GATAD2B: variants seen among roughly 807,000 people sequenced by gnomAD.
The protein encoded by GATAD2B is GATA zinc finger domain containing 2B, also known as transcriptional repressor p66-beta.
Under a neutral mutation model 64.3 loss-of-function variants are expected in GATAD2B, and 8 were observed. That is an observed-to-expected ratio of 0.12 (90% CI 0.07 to 0.22). The LOEUF is 0.22. GATAD2B is among the 10% of genes least tolerant of loss of function. The pLI, the probability that GATAD2B is intolerant of heterozygous loss-of-function variation, is 1.00. For synonymous variants in GATAD2B, 281 were observed against 271.3 expected (o/e 1.04, Z -0.35); for missense variants, 453 against 752.0 (o/e 0.60, Z 4.65).
chr1:153,855,681 A>T (rs527853074), intron 1 of GATAD2B, among the ~76,000 whole-genome samples: 3 of 151,698 alleles, frequency 2.0e-5, no homozygotes, highest in African/African-American at 4.8e-5. Context: ...CTTATTTTAT[A>T]TATTTTTTTT....
At chr1:153,895,820 T>C (rs1376599062) in intron 1 of GATAD2B, among the ~76,000 whole-genome samples, 1 of 152,036 alleles carries the variant, frequency 6.6e-6, no homozygotes, top group Non-Finnish European at 1.5e-5. Flanking sequence ...ACGCTGTTCA[T>C]TGAGACTTTT....
At chr1:153,830,304 C>T (rs1034967462) in intron 1 of GATAD2B, among the ~76,000 whole-genome samples, 4 of 151,538 alleles carry the variant, frequency 2.6e-5, no homozygotes, top group South Asian at 2.1e-4. Context: ...TGTGCCACCA[C>T]GTCCAGCTAA....
At chr1:153,830,806 C>T (rs576034503) in intron 1 of GATAD2B, among the ~76,000 whole-genome samples, 1 of 152,246 alleles carries the variant, frequency 6.6e-6, no homozygotes, top group African/African-American at 2.4e-5. Flanking sequence ...GACAGGGTCT[C>T]ACTCTATCAC....
intron 1 of GATAD2B, among the ~76,000 whole-genome samples, chr1:153,901,176 T>A (rs1286480839): frequency 6.6e-6 from 1 of 151,076 alleles, no homozygotes; most frequent in Non-Finnish European, 1.5e-5. Context: ...ATAGTGCCAC[T>A]GAACTCCAGC....
intron 1 of GATAD2B, among the ~76,000 whole-genome samples, chr1:153,914,089 A>G (rs917010078): frequency 6.6e-6 from 1 of 151,418 alleles, no homozygotes; most frequent in Non-Finnish European, 1.5e-5. Flanking sequence ...CTAAAAATAC[A>G]AAAATTAGCT....
At chr1:153,855,322 G>C (rs545727547) in intron 1 of GATAD2B, among the ~76,000 whole-genome samples, 2 of 151,610 alleles carry the variant, frequency 1.3e-5, no homozygotes, top group Non-Finnish European at 1.5e-5. Context: ...TCTGCCTCCT[G>C]GGCTCAAGTG....
chr1:153,900,878 T>C (rs1677746788), intron 1 of GATAD2B, among the ~76,000 whole-genome samples: 2 of 152,186 alleles, frequency 1.3e-5, no homozygotes, highest in African/African-American at 4.8e-5. Flanking sequence ...AATTTTCACA[T>C]GTCACAAAAT....
chr1:153,886,789 G>A (rs1407249635), intron 1 of GATAD2B, among the ~76,000 whole-genome samples: 1 of 151,416 alleles, frequency 6.6e-6, no homozygotes, highest in Non-Finnish European at 1.5e-5. Context: ...TCAATCTTCT[G>A]ACCTCATGAT....
At chr1:153,820,536 C>T (rs1674640722) in intron 2 of GATAD2B, among the ~76,000 whole-genome samples, 1 of 152,200 alleles carries the variant, frequency 6.6e-6, no homozygotes, top group South Asian at 2.1e-4. Context: ...TCTAATTCTC[C>T]TCTAATTTCA....
At chr1:153,863,002 G>A (rs1277184834) in intron 1 of GATAD2B, among the ~76,000 whole-genome samples, 1 of 147,096 alleles carries the variant, frequency 6.8e-6, no homozygotes, top group Admixed American at 6.7e-5. Context: ...GGGATTATAG[G>A]CATGAGGCAC....
intron 1 of GATAD2B, among the ~76,000 whole-genome samples, chr1:153,835,925 G>T (rs1675246059): frequency 3.9e-5 from 6 of 152,136 alleles, no homozygotes; most frequent in African/African-American, 1.4e-4. Flanking sequence ...GTTTCACCAT[G>T]TTGACCAGGC....
At chr1:153,917,175 T>C (rs1678297108) in intron 1 of GATAD2B, among the ~76,000 whole-genome samples, 1 of 149,034 alleles carries the variant, frequency 6.7e-6, no homozygotes, top group Non-Finnish European at 1.5e-5. Context: ...CTCAGCTCAC[T>C]GCAACCTCCA....
intron 1 of GATAD2B, among the ~76,000 whole-genome samples, chr1:153,922,481 A>AG (rs1000891372): frequency 7.2e-5 from 9 of 125,580 alleles, no homozygotes; most frequent in Non-Finnish European, 1.5e-4. Flanking sequence ...GCGCGCGCCA[A>AG]GGGGGGAGAG....
At chr1:153,865,617 C>T (rs1676452773) in intron 1 of GATAD2B, among the ~76,000 whole-genome samples, 1 of 152,182 alleles carries the variant, frequency 6.6e-6, no homozygotes, top group Admixed American at 6.6e-5. Flanking sequence ...TAAGTAAAGA[C>T]TTTTAATCAA....
At chr1:153,909,749 C>T (rs1678058439) in intron 1 of GATAD2B, among the ~76,000 whole-genome samples, 1 of 149,538 alleles carries the variant, frequency 6.7e-6, no homozygotes, top group Non-Finnish European at 1.5e-5. Context: ...ACCAGCCTGG[C>T]CAACATGGTG....
chr1:153,879,377 A>G (rs1676939859), intron 1 of GATAD2B, among the ~76,000 whole-genome samples: 1 of 150,816 alleles, frequency 6.6e-6, no homozygotes, highest in Non-Finnish European at 1.5e-5. Flanking sequence ...TCTCGGCCCC[A>G]TACTTTATTC....
At chr1:153,830,735 A>G (rs1484009050) in intron 1 of GATAD2B, among the ~76,000 whole-genome samples, 1 of 150,692 alleles carries the variant, frequency 6.6e-6, no homozygotes, top group Non-Finnish European at 1.5e-5. Flanking sequence ...TCGGCCTCCC[A>G]AAGTGCTGGG....
chr1:153,863,512 G>GA (rs61401496), intron 1 of GATAD2B, among the ~76,000 whole-genome samples: 2,697 of 113,344 alleles, frequency 0.024, 65 homozygotes, highest in East Asian at 0.087. Flanking sequence ...AAAGAAATAA[G>GA]AAAAAAAAAA....
At chr1:153,892,928 C>T (rs895821004) in intron 1 of GATAD2B, among the ~76,000 whole-genome samples, 2 of 151,972 alleles carry the variant, frequency 1.3e-5, no homozygotes, top group Non-Finnish European at 2.9e-5. Context: ...CTCCTGACCT[C>T]GTGATCCACC....
Sources: gnomAD v4.1 joint callset for allele counts (sites outside exome capture counted in the v4.1 genomes callset) on GRCh38, gnomAD v4.1.1 for gene constraint, MANE v1.5 for transcripts, NCBI Gene and HGNC (gene_info 2026-07-23, HGNC 2026-07-21) for gene names.